CTNND2: variants seen among roughly 807,000 people sequenced by gnomAD.
CTNND2 encodes the protein catenin delta-2.
In CTNND2, 22 loss-of-function variants were observed where a neutral mutation model predicts 144.4. That is an observed-to-expected ratio of 0.15 (90% CI 0.11 to 0.22). CTNND2 has a LOEUF of 0.22. CTNND2 is among the 10% of genes least tolerant of loss of function. The probability of loss-of-function intolerance (pLI) is 1.00; values close to 1 mark genes in which losing one functional copy is unlikely to be tolerated. For synonymous variants in CTNND2, 751 were observed against 695.6 expected (o/e 1.08, Z -1.25); for missense variants, 1,353 against 1,618.8 (o/e 0.84, Z 2.82).
At chr5:11,070,391 A>C (rs1233189321) in intron 16 of CTNND2, among the ~76,000 whole-genome samples, 3 of 152,232 alleles carry the variant, frequency 2.0e-5, no homozygotes, top group Non-Finnish European at 2.9e-5. Context: ...GAGTTTAAAG[A>C]TAGATTACTA....
At position 11,199,641 on chromosome 5, in the gene CTNND2, G is replaced by C; in HGVS notation, c.1782C>G (p.Ile594Met). ...IKAEIRRQGG[I>M]QLLVDLLDHR... The stretch of plus-strand genomic sequence containing the variant: ...GATCCAACAGGTCCACCAGGAGCTG[G>C]ATGCCTCCTTGTCTCCTTATCTGAA... The change falls in exon 11 of 22, where the codon ATC becomes ATG. Residue 594 changes from isoleucine (I) to methionine (M), a missense_variant. Around this residue, in one of 4 missense-constraint regions of CTNND2, gnomAD observed 69 missense variants for 120.3 expected, o/e 0.57. Transcript: ENST00000304623. The C allele has an allele frequency of 6.2e-7, 1 of 1,614,072 alleles. No homozygotes were observed. Among genetic ancestry groups the C allele is most frequent in the Non-Finnish European group, 8.5e-7 (1 of 1,179,996 alleles).
chr5:11,641,045 T>C (rs1264221830), intron 2 of CTNND2, among the ~76,000 whole-genome samples: 2 of 152,114 alleles, frequency 1.3e-5, no homozygotes, highest in Non-Finnish European at 2.9e-5. Flanking sequence ...GTGAGACACA[T>C]GGTGGGTTCC....
intron 2 of CTNND2, among the ~76,000 whole-genome samples, chr5:11,702,204 A>G (rs1010330634): frequency 2.0e-5 from 3 of 152,136 alleles, no homozygotes; most frequent in Non-Finnish European, 4.4e-5. Context: ...GTGAGCAAAA[A>G]AATGCTTCTT....
At chr5:11,074,293 A>T (rs923835418) in intron 16 of CTNND2, among the ~76,000 whole-genome samples, 2 of 152,078 alleles carry the variant, frequency 1.3e-5, no homozygotes, top group African/African-American at 4.8e-5. Flanking sequence ...AACTGATAGG[A>T]CTCTAAATGT....
At chr5:11,826,253 A>T (rs1439556463) in intron 1 of CTNND2, among the ~76,000 whole-genome samples, 2 of 152,102 alleles carry the variant, frequency 1.3e-5, no homozygotes, top group Non-Finnish European at 2.9e-5. Flanking sequence ...CTTACAATAT[A>T]TAAGCCACAG....
At chr5:11,019,069 T>C (rs954034718) in intron 17 of CTNND2, among the ~76,000 whole-genome samples, 2 of 152,206 alleles carry the variant, frequency 1.3e-5, no homozygotes, top group African/African-American at 4.8e-5. Flanking sequence ...AGTTTAAAGC[T>C]AGCAGAAGTT....
At chr5:11,734,751 A>T (rs1275757809) in intron 1 of CTNND2, among the ~76,000 whole-genome samples, 1 of 152,190 alleles carries the variant, frequency 6.6e-6, no homozygotes, top group East Asian at 1.9e-4. Context: ...CTAAGTTATT[A>T]CGTATGTCTA....
At chr5:11,268,530 G>A (rs1745680949) in intron 9 of CTNND2, among the ~76,000 whole-genome samples, 1 of 152,210 alleles carries the variant, frequency 6.6e-6, no homozygotes, top group Non-Finnish European at 1.5e-5. Flanking sequence ...GAGAGGTGGA[G>A]GTTGCAGTGA....
intron 17 of CTNND2, among the ~76,000 whole-genome samples, chr5:11,019,314 G>C (rs2149534292): frequency 6.6e-6 from 1 of 152,272 alleles, no homozygotes; most frequent in African/African-American, 2.4e-5. Context: ...AAGATTAAAT[G>C]TGATGTTTTG....
chr5:11,878,206 A>G (rs1031865808), intron 1 of CTNND2, among the ~76,000 whole-genome samples: 1 of 152,214 alleles, frequency 6.6e-6, no homozygotes. Flanking sequence ...CTATAGCGGT[A>G]TATATTAACA....
At chr5:11,571,724 C>T (rs977312911) in intron 2 of CTNND2, among the ~76,000 whole-genome samples, 1 of 152,062 alleles carries the variant, frequency 6.6e-6, no homozygotes, top group South Asian at 2.1e-4. Flanking sequence ...ATTTAACTCA[C>T]CCCCCTGCTT....
intron 1 of CTNND2, among the ~76,000 whole-genome samples, chr5:11,776,318 A>G (rs1175466957): frequency 6.6e-6 from 1 of 152,158 alleles, no homozygotes; most frequent in East Asian, 1.9e-4. Flanking sequence ...GACGCTGAAG[A>G]CAAGGAGTTA....
rs865927158 is a variant in CTNND2, at chr5:11,887,023, A to G, written c.37+16794T>C. ...TTTTGAGACAGAGTCTCGCTCTGTC[A>G]CCCAGGCTGGAGTGCGGTGGCGCGA... On this transcript the variant is annotated intron_variant, in intron 1 of 21. Coordinates refer to ENST00000304623, the MANE Select transcript of CTNND2 (RefSeq NM_001332.4). Among the ~76,000 whole-genome samples the G allele has an allele frequency of 1.8e-3, 210 of 116,242 alleles. 1 individual carries two copies. The highest frequency in any genetic ancestry group is 0.011 in the Middle Eastern group (1 of 92). The allele number at this position is 116,242 out of a possible 152,430, so 76.3% of individuals were successfully genotyped here.
intron 3 of CTNND2, among the ~76,000 whole-genome samples, chr5:11,506,363 ATTGTT>A (rs1771035697): frequency 6.6e-6 from 1 of 152,200 alleles, no homozygotes; most frequent in Non-Finnish European, 1.5e-5. Context: ...TAAGCAGTAT[ATTGTT>A]TTGTTTACTT....
chr5:11,284,534 T>A (rs751326396), intron 9 of CTNND2, among the ~76,000 whole-genome samples: 60 of 152,154 alleles, frequency 3.9e-4, no homozygotes, highest in Admixed American at 8.5e-4. Flanking sequence ...TGTTCCTGTG[T>A]TAATTTGCTG....
chr5:11,717,038 T>C (rs1581766947), intron 2 of CTNND2, among the ~76,000 whole-genome samples: 2 of 151,914 alleles, frequency 1.3e-5, no homozygotes, highest in Non-Finnish European at 2.9e-5. Flanking sequence ...CAGCTAATTG[T>C]TGTATTTTTA....
At chr5:11,085,021 C>T (rs893839631) in intron 15 of CTNND2, among the ~76,000 whole-genome samples, 10 of 152,138 alleles carry the variant, frequency 6.6e-5, no homozygotes, top group African/African-American at 2.4e-4. Context: ...GAGAACCTGG[C>T]CACATCTGAA....
intron 2 of CTNND2, among the ~76,000 whole-genome samples, chr5:11,597,779 C>T (rs942481062): frequency 2.6e-5 from 4 of 152,002 alleles, no homozygotes; most frequent in African/African-American, 9.7e-5. Context: ...AGCCATGTTG[C>T]CCAAGCTGAT....
chr5:11,675,959 A>G (rs1005169095), intron 2 of CTNND2, among the ~76,000 whole-genome samples: 6 of 151,670 alleles, frequency 4.0e-5, no homozygotes, highest in Non-Finnish European at 8.8e-5. Flanking sequence ...CAAGTCATTT[A>G]TGTTCTTCTC....
Sources: allele counts gnomAD v4.1 joint callset (sites outside exome capture counted in the v4.1 genomes callset), GRCh38; gene constraint gnomAD v4.1.1; regional missense constraint gnomAD v4.1.1; transcripts MANE v1.5; gene names NCBI Gene and HGNC (gene_info 2026-07-23, HGNC 2026-07-21).